The following FYB2 variants were observed in gnomAD, a reference collection of about 807,000 sequenced individuals.
FYB2 encodes the protein FYN binding protein 2.
Under a neutral mutation model 94.1 loss-of-function variants are expected in FYB2, and 103 were observed. The observed-to-expected ratio is 1.09, with a 90% confidence interval of 0.93 to 1.29. FYB2 has a LOEUF of 1.29. Among genes scored for constraint, FYB2 ranks in the 50% most tolerant of loss-of-function variants. The pLI is 0.00. For synonymous variants in FYB2, 293 were observed against 287.9 expected, an observed-to-expected ratio of 1.02 and a Z score of -0.18; for missense variants, 896 against 841.5, an observed-to-expected ratio of 1.06 and a Z score of -0.80.
chr1:56,796,612 T>C (rs947640), intron 1 of FYB2, among the ~76,000 whole-genome samples: 149,727 of 152,252 alleles, frequency 0.98, 73,662 homozygotes, highest in Middle Eastern at 1. Flanking sequence ...TTTAGCATCC[T>C]CAAAGCTTTC....
chr1:56,760,527 G>A (rs951663305), intron 5 of FYB2, among the ~76,000 whole-genome samples: 3 of 152,108 alleles, frequency 2.0e-5, no homozygotes, highest in Non-Finnish European at 4.4e-5. Context: ...AAAAATACCT[G>A]TTTGTGATAC....
intron 2 of FYB2, among the ~76,000 whole-genome samples, chr1:56,790,851 GT>G (rs1053447837): frequency 2.6e-5 from 4 of 152,048 alleles, no homozygotes; most frequent in African/African-American, 4.8e-5. Flanking sequence ...ACCTCGGAAA[GT>G]TTTTTTTGAA....
At chr1:56,752,558 G>A (rs1645225008) in intron 8 of FYB2, among the ~76,000 whole-genome samples, 1 of 151,988 alleles carries the variant, frequency 6.6e-6, no homozygotes, top group African/African-American at 2.4e-5. Flanking sequence ...CATTCTTTTA[G>A]GTCATAGTAC....
At chr1:56,726,606 C>T (rs745786300) in intron 15 of FYB2, 23 bp from the exon 16 acceptor site, 1 of 1,579,712 alleles carries the variant, frequency 6.3e-7, no homozygotes, top group South Asian at 1.1e-5. Context: ...ATATTTTGAG[C>T]AAGTAAATTA....
chr1:56,774,881 G>C (rs984363125), intron 4 of FYB2, among the ~76,000 whole-genome samples: 9 of 152,076 alleles, frequency 5.9e-5, no homozygotes, highest in African/African-American at 1.9e-4. Flanking sequence ...TTTCTCCCAT[G>C]CTGGATGCTT....
At chr1:56,804,036 A>G (rs1431169584) in intron 1 of FYB2, among the ~76,000 whole-genome samples, 3 of 152,190 alleles carry the variant, frequency 2.0e-5, no homozygotes, top group Admixed American at 6.5e-5. Context: ...ATATTTTATA[A>G]ATAACCTTGA....
Position 56,753,834 on chromosome 1 carries a change from G to T in FYB2, c.1227+5C>A, listed in dbSNP as rs747139576. On this transcript the variant is annotated splice_donor_5th_base_variant and intron_variant, in intron 8 of 19. Transcript: ENST00000343433. ...TAAACTGCAGGAACCGTAGAACATA[G>T]GTACCTTGAAAACATGGTTTGAATA... The T allele has an allele frequency of 6.3e-7, 1 of 1,591,766 alleles. No individual in the cohort carries two copies. Among genetic ancestry groups the T allele is most frequent in the Admixed American group, 1.7e-5 (1 of 59,774 alleles).
chr1:56,758,379 A>G (rs1191119022), intron 6 of FYB2, among the ~76,000 whole-genome samples: 2 of 152,048 alleles, frequency 1.3e-5, no homozygotes, highest in Non-Finnish European at 2.9e-5. Flanking sequence ...AGCATGCCCT[A>G]AGGGGTCTGA....
chr1:56,744,852 T>G (rs1432272404), intron 9 of FYB2, among the ~76,000 whole-genome samples: 2 of 152,062 alleles, frequency 1.3e-5, no homozygotes, highest in Non-Finnish European at 2.9e-5. Context: ...ACCATAAAAC[T>G]GCCACCTCTT....
chr1:56,723,494 G>A, intron 17 of FYB2, 94 bp downstream of exon 17: 1 of 638,700 alleles, frequency 1.6e-6, no homozygotes, highest in Non-Finnish European at 2.6e-6. Flanking sequence ...GTATCTCAGA[G>A]AGGCAGAGGC....
At chr1:56,761,776 CTCCT>C (rs1257945030) in intron 5 of FYB2, among the ~76,000 whole-genome samples, 4 of 143,936 alleles carry the variant, frequency 2.8e-5, no homozygotes, top group Admixed American at 2.8e-4. Flanking sequence ...TGACCTCTTT[CTCCT>C]TCCTTCCCTC....
chr1:56,722,671 A>G (rs74075758), intron 17 of FYB2, among the ~76,000 whole-genome samples: 2,205 of 152,188 alleles, frequency 0.014, 45 homozygotes, highest in African/African-American at 0.05. Context: ...TTCGAGGGAC[A>G]GAACTATGAG....
upstream of FYB2, among the ~76,000 whole-genome samples, chr1:56,821,534 T>G (rs1003743930): frequency 1.3e-5 from 2 of 152,168 alleles, no homozygotes; most frequent in African/African-American, 2.4e-5. Context: ...TTCTCATCTG[T>G]AAAAGTAAAC....
chr1:56,770,210 T>C (rs1241945806), intron 4 of FYB2, among the ~76,000 whole-genome samples: 1 of 151,964 alleles, frequency 6.6e-6, no homozygotes, highest in East Asian at 1.9e-4. Context: ...AAGTAGAAAA[T>C]TACCATACCG....
chr1:56,817,277 C>T (rs1646905858), intron 1 of FYB2, among the ~76,000 whole-genome samples: 2 of 152,206 alleles, frequency 1.3e-5, no homozygotes, highest in South Asian at 4.1e-4. Flanking sequence ...TGCCTCAGGG[C>T]GTTTATATCT....
At chr1:56,722,720 G>A (rs1185061501) in intron 17 of FYB2, among the ~76,000 whole-genome samples, 1 of 152,024 alleles carries the variant, frequency 6.6e-6, no homozygotes, top group African/African-American at 2.4e-5. Flanking sequence ...GGCAAAGAGT[G>A]GCAAGAGATA....
At chr1:56,821,731 A>G (rs1646994042), upstream of FYB2, among the ~76,000 whole-genome samples, 1 of 152,154 alleles carries the variant, frequency 6.6e-6, no homozygotes, top group South Asian at 2.1e-4. Flanking sequence ...ATGAAGTAGC[A>G]TCATTTTATT....
intron 1 of FYB2, among the ~76,000 whole-genome samples, chr1:56,801,988 A>T (rs538219764): frequency 4.0e-4 from 61 of 152,292 alleles, no homozygotes; most frequent in Middle Eastern, 3.4e-3. Flanking sequence ...GGAATTGTCT[A>T]TTAGAGTGGG....
At chr1:56,818,747 G>A (rs187476118) in intron 1 of FYB2, among the ~76,000 whole-genome samples, 6 of 152,210 alleles carry the variant, frequency 3.9e-5, no homozygotes, top group Non-Finnish European at 7.4e-5. Context: ...TCTCTTTCAT[G>A]AGTGAGGGAC....
Sources: gnomAD v4.1 joint callset for allele counts (sites outside exome capture counted in the v4.1 genomes callset) on GRCh38, gnomAD v4.1.1 for gene constraint, MANE v1.5 for transcripts, NCBI Gene and HGNC (gene_info 2026-07-23, HGNC 2026-07-21) for gene names.